Variants in LRRC41 observed in about 807,000 individuals in gnomAD.
LRRC41 encodes leucine rich repeat containing 41.
A neutral mutation model predicts 72.1 loss-of-function variants in LRRC41; 17 were observed. That is an observed-to-expected ratio of 0.24 (90% CI 0.16 to 0.35). The LOEUF (loss-of-function observed/expected upper bound fraction) is 0.35, where lower values mean the gene tolerates loss of function less well. Ranked by LOEUF, LRRC41 falls within the 10% of genes least tolerant of loss-of-function variation. The pLI, the probability that LRRC41 is intolerant of heterozygous loss-of-function variation, is 1.00. For synonymous variants in LRRC41, 427 were observed against 431.0 expected, an observed-to-expected ratio of 0.99 and a Z score of 0.11; for missense variants, 759 against 1,065.0, an observed-to-expected ratio of 0.71 and a Z score of 4.00.
intron 1 of LRRC41, among the ~76,000 whole-genome samples, chr1:46,301,113 C>T (rs992582380): frequency 6.6e-6 from 1 of 152,100 alleles, no homozygotes; most frequent in African/African-American, 2.4e-5. Context: ...TACCCCTTTT[C>T]CCTCCAACCT....
chr1:46,297,687 C>T (rs1166178796), intron 2 of LRRC41, 54 bp from the exon 3 acceptor site: 1 of 1,285,192 alleles, frequency 7.8e-7, no homozygotes, highest in Non-Finnish European at 1.1e-6. Flanking sequence ...GAGTAAAGTA[C>T]ATCAACCTTT....
Position 46,279,296 on chromosome 1 carries a change from G to T in LRRC41, c.2144-39C>A. The T allele has an allele frequency of 6.2e-7, 1 of 1,606,994 alleles. No homozygotes were observed. Among genetic ancestry groups the T allele is most frequent in the Non-Finnish European group, 8.5e-7 (1 of 1,173,628 alleles). ...GAGAACGCCTATCACCTCCACCCAA[G>T]AACAGGGGACAAGGGTATCCCAACC... On this transcript the variant is annotated intron_variant, in intron 8 of 9. Coordinates refer to ENST00000617190, the MANE Select transcript of LRRC41 (RefSeq NM_006369.5). The surrounding 1 kb of genome is among the most constrained non-coding windows in gnomAD (Gnocchi z 4.5).
chr1:46,298,910 A>G (rs1325440660), intron 1 of LRRC41: 2 of 152,456 alleles, frequency 1.3e-5, no homozygotes, highest in Non-Finnish European at 2.9e-5. Context: ...TGCCACTTTC[A>G]GTATATCAAC....
chr1:46,292,951 C>T (rs1023582758), intron 3 of LRRC41, among the ~76,000 whole-genome samples: 4 of 152,046 alleles, frequency 2.6e-5, no homozygotes, highest in East Asian at 3.9e-4. Flanking sequence ...TTTGGGAGAC[C>T]GAGGCGGGTG....
chr1:46,303,577 C>T lies in LRRC41; in HGVS notation c.-255G>A. The T allele has an allele frequency of 2.2e-6, 2 of 888,988 alleles. No individual in the cohort carries two copies. The highest frequency in any genetic ancestry group is 1.7e-5 in the South Asian group (1 of 59,056). The allele number at this position is 888,988 out of a possible 1,614,324, so 55.1% of individuals were successfully genotyped here. On this transcript the variant is annotated 5_prime_UTR_variant, in exon 1 of 10. Transcript: ENST00000617190. ...CCTCCTCGGGTGCAAACATCAGCTA[C>T]CCCTAACCTCTGCCTGCGGCTGGTA...
At chr1:46,296,610 A>T (rs1018447149) in intron 3 of LRRC41, 1 of 152,154 alleles carries the variant, frequency 6.6e-6, no homozygotes, top group Admixed American at 6.6e-5. Context: ...AGCTCCAGTG[A>T]TTTATATCTG....
In LRRC41 at chr1:46,286,954, G is replaced by A. The variant is rs1012740514; in HGVS notation, c.358-455C>T. Among the ~76,000 whole-genome samples, 4 of 152,106 alleles carry A rather than the reference G, an allele frequency of 2.6e-5. No individual in the cohort carries two copies. The highest frequency in any genetic ancestry group is 4.8e-5 in the African/African-American group (2 of 41,410). On this transcript the variant is annotated intron_variant, in intron 3 of 9. Coordinates refer to ENST00000617190, the MANE Select transcript of LRRC41 (RefSeq NM_006369.5). This position sits in a 1 kb window ranked among gnomAD's most constrained non-coding sequence, Gnocchi z 5.5. ...GTGCCTCAGCCTCCAGAGAAGCTGG[G>A]ATTACAGGCGCCCGCCACCACACCT... is the stretch of plus-strand genomic sequence containing the variant.
rs1660766127 is a variant in LRRC41, at chr1:46,281,131, TCTC to T, written c.1747_1749del (p.Glu583del). 3.7e-6 allele frequency: 6 copies of T among 1,613,828 alleles called. No homozygotes were observed. Among genetic ancestry groups the T allele is most frequent in the East Asian group, 2.2e-5 (1 of 44,892 alleles). On this transcript the variant is annotated inframe_deletion, in exon 5 of 10. Coordinates refer to ENST00000617190, the MANE Select transcript of LRRC41 (RefSeq NM_006369.5). ...CACACACACAGTGCTTCACCTGGTA[TCTC>T]CTCATCGCCTATTATGTGGCTAGGG...
At chr1:46,291,214 G>A (rs1447273132) in intron 3 of LRRC41, among the ~76,000 whole-genome samples, 1 of 152,136 alleles carries the variant, frequency 6.6e-6, no homozygotes, top group Non-Finnish European at 1.5e-5. Flanking sequence ...ATGAGCCACA[G>A]TGCCTGACCC....
intron 3 of LRRC41, among the ~76,000 whole-genome samples, chr1:46,293,553 TTTTAC>T (rs1426304040): frequency 3.3e-5 from 5 of 152,058 alleles, no homozygotes; most frequent in African/African-American, 1.2e-4. Context: ...TGATTTGTGC[TTTTAC>T]TTTTTTTTGT....
At chr1:46,291,758 C>T (rs1195298499) in intron 3 of LRRC41, among the ~76,000 whole-genome samples, 8 of 151,520 alleles carry the variant, frequency 5.3e-5, no homozygotes, top group Non-Finnish European at 4.4e-5. Context: ...CGGGGTTTCA[C>T]CATATTGGCC....
intron 3 of LRRC41, among the ~76,000 whole-genome samples, chr1:46,290,677 G>A (rs1159426477): frequency 6.9e-6 from 1 of 145,880 alleles, no homozygotes; most frequent in Non-Finnish European, 1.5e-5. Flanking sequence ...TACAATATTA[G>A]CTCACTGAAA....
intron 3 of LRRC41, chr1:46,297,232 T>G (rs1661143289): frequency 4.7e-6 from 1 of 214,126 alleles, no homozygotes; most frequent in African/African-American, 2.3e-5. Context: ...CTTTTAAAAC[T>G]CATTGAAGTA....
chr1:46,303,353 G>T lies in LRRC41; in HGVS notation c.-31C>A, dbSNP rs1469259825. 1.4e-6 allele frequency: 2 copies of T among 1,472,650 alleles called. No individual in the cohort carries two copies. The highest frequency in any genetic ancestry group is 1.8e-6 in the Non-Finnish European group (2 of 1,113,894). The allele number at this position is 1,472,650 out of a possible 1,614,324, so 91.2% of individuals were successfully genotyped here. A position where few individuals can be genotyped will look rare whatever the true frequency, so the allele number is the denominator to read the frequency against. On this transcript the variant is annotated 5_prime_UTR_variant, in exon 1 of 10. Transcript: ENST00000617190. ...GGAGGTGCGCGAGCCCGAGAGTGTC[G>T]CCCGCGGACCGCCATCTTGAAAAGG...
At chr1:46,300,759 C>T (rs535476760) in intron 1 of LRRC41, 6 of 152,498 alleles carry the variant, frequency 3.9e-5, no homozygotes, top group South Asian at 2.1e-4. Flanking sequence ...TCTATACACC[C>T]GCTGCCCCAA....
rs1028122106 is a variant in LRRC41, at chr1:46,302,394, C to T, written c.199+730G>A. The T allele has an allele frequency of 2.0e-6, 2 of 985,440 alleles. No homozygotes were observed. The highest frequency in any genetic ancestry group is 2.4e-6 in the Non-Finnish European group (2 of 829,930). 61.0% of individuals were successfully genotyped at this position (985,440 alleles called of 1,614,324 possible). A position where few individuals can be genotyped will look rare whatever the true frequency, so the allele number is the denominator to read the frequency against. Reference sequence around the variant, plus strand: ...TCCCTCCTCGCCGCTCGAGCCGATCCGAGTGGCCTCCGGCGCTCCCTGTCC... The same window carrying T: ...TCCCTCCTCGCCGCTCGAGCCGATCTGAGTGGCCTCCGGCGCTCCCTGTCC... On this transcript the variant is annotated intron_variant, in intron 1 of 9. Coordinates refer to ENST00000617190, the MANE Select transcript of LRRC41 (RefSeq NM_006369.5). The surrounding 1 kb of genome is among the most constrained non-coding windows in gnomAD (Gnocchi z 4.7).
Position 46,280,478 on chromosome 1 carries a change from C to T in LRRC41, c.1839G>A (p.Ser613=), listed in dbSNP as rs141700475. The T allele has an allele frequency of 3.2e-5, 52 of 1,614,144 alleles. 1 individual carries two copies. The South Asian group carries it at 4.8e-4, about 15-fold the overall frequency. ...APLLCSVLKA[S]GSLQQLSLDS... is the part of the protein sequence containing the mutation. Reference sequence around the variant, plus strand: ...CCAGGGACAGCTGCTGCAGAGAACCCGAGGCCTTCAGAACGGAGCACAGCA... The same window carrying T: ...CCAGGGACAGCTGCTGCAGAGAACCTGAGGCCTTCAGAACGGAGCACAGCA... The change falls in exon 6 of 10, where the codon TCG becomes TCA. Residue 613 remains serine, a synonymous_variant. Transcript: ENST00000617190.
In LRRC41 at chr1:46,278,090, T is replaced by TGTCA. The variant is rs769325743; in HGVS notation, c.*771_*774dup. ...TCCCTAGGTTGCACTGCCGACGTTGTGTCAACAGCCGTCAGATCCGGCCAC... is the reference window on the plus strand; with the variant it reads ...TCCCTAGGTTGCACTGCCGACGTTGTGTCAGTCAACAGCCGTCAGATCCGGCCAC... On this transcript the variant is annotated 3_prime_UTR_variant, in exon 10 of 10. Transcript: ENST00000617190. 6.2e-7 allele frequency: 1 copy of TGTCA among 1,614,106 alleles called. No individual in the cohort carries two copies. Among genetic ancestry groups the TGTCA allele is most frequent in the East Asian group, 2.2e-5 (1 of 44,884 alleles).
intron 1 of LRRC41, among the ~76,000 whole-genome samples, chr1:46,301,424 T>C (rs1661220437): frequency 6.6e-6 from 1 of 152,018 alleles, no homozygotes; most frequent in Non-Finnish European, 1.5e-5. Context: ...CCTTTCCTCC[T>C]GTTCCCCATG....
Sources: gnomAD v4.1 joint callset for allele counts (sites outside exome capture counted in the v4.1 genomes callset) on GRCh38, gnomAD v4.1.1 for gene constraint, Gnocchi (gnomAD v3.1) non-coding constraint, MANE v1.5 for transcripts, NCBI Gene and HGNC (gene_info 2026-07-23, HGNC 2026-07-21) for gene names.